SAMMSON: variants seen among roughly 807,000 people sequenced by gnomAD.
SAMMSON encodes survival associated mitochondrial melanoma specific oncogenic non-coding RNA.
chr3:70,337,921 A>G (rs1289790372), intron 7 of SAMMSON, among the ~76,000 whole-genome samples: 1 of 151,766 alleles, frequency 6.6e-6, no homozygotes, highest in East Asian at 1.9e-4. Flanking sequence ...TCCTTCCCCT[A>G]GTTTATTTGA....
chr3:70,240,631 T>C (rs1470469577), intron 4 of SAMMSON, among the ~76,000 whole-genome samples: 1 of 152,134 alleles, frequency 6.6e-6, no homozygotes. Context: ...TCCTTCAGCG[T>C]CAATTATAAG....
chr3:70,128,290 G>C (rs930395428), intron 4 of SAMMSON, among the ~76,000 whole-genome samples: 6 of 152,128 alleles, frequency 3.9e-5, no homozygotes, highest in African/African-American at 1.4e-4. Context: ...CATCTGAATA[G>C]CTGCCAAGAA....
At chr3:70,121,964 G>A (rs572035072) in intron 4 of SAMMSON, among the ~76,000 whole-genome samples, 11 of 152,168 alleles carry the variant, frequency 7.2e-5, no homozygotes, top group Non-Finnish European at 1.5e-4. Flanking sequence ...TCTCGTAAGA[G>A]ACTCAGAGGG....
At chr3:70,370,371 T>C (rs778604110) in intron 9 of SAMMSON, among the ~76,000 whole-genome samples, 2 of 152,076 alleles carry the variant, frequency 1.3e-5, no homozygotes, top group Non-Finnish European at 2.9e-5. Context: ...TTTTAATTTT[T>C]CGAGAAATCT....
intron 4 of SAMMSON, among the ~76,000 whole-genome samples, chr3:70,136,932 TAA>T (rs1303181965): frequency 2.0e-5 from 3 of 152,220 alleles, no homozygotes; most frequent in African/African-American, 2.4e-5. Flanking sequence ...AACATTTCAA[TAA>T]GAGTCTTTAT....
chr3:70,235,747 G>T (rs1701600529), intron 4 of SAMMSON, among the ~76,000 whole-genome samples: 1 of 152,196 alleles, frequency 6.6e-6, no homozygotes, highest in Admixed American at 6.5e-5. Flanking sequence ...ATAATTTATT[G>T]CTGTATGACT....
rs146649100 is a variant in SAMMSON, at chr3:70,319,479, G to C, written n.739+28236G>C. On this transcript the variant is annotated intron_variant and non_coding_transcript_variant, in intron 7 of 9. Coordinates refer to ENST00000642114, the Ensembl canonical transcript of SAMMSON. ...ATGACCAAAAGCAGAAGAAATTTTTGAAATTCTTTTACTCCTATCTTTCCA... is the reference window on the plus strand; with the variant it reads ...ATGACCAAAAGCAGAAGAAATTTTTCAAATTCTTTTACTCCTATCTTTCCA... Among the ~76,000 whole-genome samples, 222 of 152,090 alleles carry C rather than the reference G, an allele frequency of 1.5e-3. 1 individual carries two copies. Among genetic ancestry groups the C allele is most frequent in the African/African-American group, 5.2e-3 (216 of 41,542 alleles).
At chr3:70,105,257 G>C (rs930034007) in intron 4 of SAMMSON, among the ~76,000 whole-genome samples, 11 of 152,192 alleles carry the variant, frequency 7.2e-5, no homozygotes, top group African/African-American at 2.7e-4. Flanking sequence ...AAAAGCAAAA[G>C]AGACGTAAAA....
intron 7 of SAMMSON, among the ~76,000 whole-genome samples, chr3:70,294,254 G>T (rs931914093): frequency 6.6e-6 from 1 of 152,130 alleles, no homozygotes; most frequent in Admixed American, 6.5e-5. Context: ...TTTTTGAATA[G>T]TGTTCTTTAT....
intron 7 of SAMMSON, chr3:70,291,892 T>C (rs1411442277): frequency 6.6e-6 from 1 of 152,248 alleles, no homozygotes; most frequent in Non-Finnish European, 1.5e-5. Context: ...TAATATTTTC[T>C]GCTCTCTTAT....
At chr3:70,409,222 A>G (rs1701199538) in intron 2 of SAMMSON, among the ~76,000 whole-genome samples, 1 of 152,196 alleles carries the variant, frequency 6.6e-6, no homozygotes, top group Admixed American at 6.5e-5. Context: ...TGATGACTCA[A>G]CATAATCATT....
At chr3:70,208,824 T>C (rs1701314255) in intron 4 of SAMMSON, among the ~76,000 whole-genome samples, 1 of 152,114 alleles carries the variant, frequency 6.6e-6, no homozygotes, top group Non-Finnish European at 1.5e-5. Flanking sequence ...CAAACAGCCT[T>C]GGTTTTCAAC....
intron 4 of SAMMSON, among the ~76,000 whole-genome samples, chr3:70,169,170 CTT>C (rs1486662859): frequency 1.3e-5 from 2 of 151,976 alleles, no homozygotes; most frequent in African/African-American, 4.8e-5. Context: ...TTTGGATAAA[CTT>C]TGGTTTTGCT....
At chr3:70,038,939 C>T (rs946903919) in intron 3 of SAMMSON, among the ~76,000 whole-genome samples, 23 of 152,088 alleles carry the variant, frequency 1.5e-4, no homozygotes, top group East Asian at 5.8e-4. Context: ...GGAGCCAGTC[C>T]GGAGCTAACA....
At chr3:70,370,048 C>A (rs993528491) in intron 9 of SAMMSON, among the ~76,000 whole-genome samples, 2 of 151,850 alleles carry the variant, frequency 1.3e-5, no homozygotes, top group East Asian at 3.9e-4. Context: ...CTAGCCCCTA[C>A]GTATGAGTGA....
In SAMMSON at chr3:70,422,419, T is replaced by C. The variant is rs1701320507; in HGVS notation, n.234-40141T>C. ...TAATATTTTATTATAAACAACGTAT[T>C]ACTTGTCTCTGATTTAAAAAAATCT... On this transcript the variant is annotated intron_variant and non_coding_transcript_variant, in intron 2 of 3. Coordinates refer to the SAMMSON transcript ENST00000641053. Among the ~76,000 whole-genome samples, 29 of 152,064 alleles carry C rather than the reference T, an allele frequency of 1.9e-4. 1 individual carries two copies. In the South Asian group the frequency reaches 6.0e-3, roughly 31 times the overall value.
intron 3 of SAMMSON, among the ~76,000 whole-genome samples, chr3:70,037,185 A>G (rs1249786405): frequency 6.6e-6 from 1 of 151,632 alleles, no homozygotes; most frequent in African/African-American, 2.4e-5. Context: ...ACCCCTCCTT[A>G]AGGGAACAGC....
intron 6 of SAMMSON, among the ~76,000 whole-genome samples, chr3:70,288,818 C>T (rs1702196070): frequency 6.6e-6 from 1 of 151,722 alleles, no homozygotes; most frequent in Non-Finnish European, 1.5e-5. Flanking sequence ...ATGTAATGGC[C>T]TTCTTTGTCT....
intron 4 of SAMMSON, among the ~76,000 whole-genome samples, chr3:70,114,310 G>A (rs913340236): frequency 6.6e-6 from 1 of 152,162 alleles, no homozygotes; most frequent in Non-Finnish European, 1.5e-5. Flanking sequence ...GTGTGTACAA[G>A]GGTCTAGATC....
Sources: allele counts gnomAD v4.1 joint callset (sites outside exome capture counted in the v4.1 genomes callset), GRCh38; gene constraint gnomAD v4.1.1; transcripts MANE v1.5; gene names NCBI Gene and HGNC (gene_info 2026-07-23, HGNC 2026-07-21).